The following GPC5 variants were observed in gnomAD, a reference collection of about 807,000 sequenced individuals.
GPC5 encodes the protein glypican 5.
In GPC5, 47 loss-of-function variants were observed where a neutral mutation model predicts 53.9. That is an observed-to-expected ratio of 0.87 (90% confidence interval 0.69 to 1.11). The LOEUF (loss-of-function observed/expected upper bound fraction) is 1.11. Ranked by LOEUF, GPC5 falls within the 50% of genes most tolerant of loss-of-function variation. The probability of loss-of-function intolerance (pLI) is 0.00; values close to 1 mark genes in which losing one functional copy is unlikely to be tolerated. For missense variants in GPC5, 748 were observed against 713.1 expected, an observed-to-expected ratio of 1.05 and a Z score of -0.56; for synonymous variants, 286 against 263.3, an observed-to-expected ratio of 1.09 and a Z score of -0.84.
intron 7 of GPC5, among the ~76,000 whole-genome samples, chr13:92,188,760 A>C (rs1011173071): frequency 8.5e-5 from 13 of 152,240 alleles, no homozygotes; most frequent in African/African-American, 2.9e-4. Flanking sequence ...TGGAGGAAAA[A>C]GAATTGCTTA....
intron 6 of GPC5, among the ~76,000 whole-genome samples, chr13:92,120,533 G>A (rs1425662437): frequency 2.0e-5 from 3 of 151,956 alleles, no homozygotes; most frequent in Admixed American, 1.3e-4. Context: ...TTACAGGTGC[G>A]AGCCACCAAG....
At chr13:92,643,630 A>C (rs902359533) in intron 7 of GPC5, among the ~76,000 whole-genome samples, 7 of 143,728 alleles carry the variant, frequency 4.9e-5, no homozygotes, top group Non-Finnish European at 9.2e-5. Context: ...CGCAAGAACA[A>C]AAAACCAAAC....
At chr13:92,118,041 CAG>C (rs758190129) in intron 6 of GPC5, among the ~76,000 whole-genome samples, 7 of 152,082 alleles carry the variant, frequency 4.6e-5, no homozygotes, top group African/African-American at 9.7e-5. Flanking sequence ...TGAAATTAAT[CAG>C]AGAGTCGCCA....
At chr13:92,558,992 T>G (rs1364931500) in intron 7 of GPC5, among the ~76,000 whole-genome samples, 1 of 151,894 alleles carries the variant, frequency 6.6e-6, no homozygotes, top group Non-Finnish European at 1.5e-5. Flanking sequence ...AAAACACTCT[T>G]GTAGTAACAG....
chr13:92,844,151 A>G (rs1356039996), intron 7 of GPC5, among the ~76,000 whole-genome samples: 2 of 151,946 alleles, frequency 1.3e-5, no homozygotes, highest in Non-Finnish European at 2.9e-5. Context: ...TCTTATTGTA[A>G]ACCTGTTATT....
chr13:92,864,336 C>A (rs1879276152), intron 7 of GPC5, among the ~76,000 whole-genome samples: 1 of 152,152 alleles, frequency 6.6e-6, no homozygotes, highest in Non-Finnish European at 1.5e-5. Context: ...GCTCTCCTGC[C>A]ATTGTCTGGC....
At chr13:92,690,684 C>T (rs887015057) in intron 7 of GPC5, among the ~76,000 whole-genome samples, 1 of 139,400 alleles carries the variant, frequency 7.2e-6, no homozygotes, top group Non-Finnish European at 1.5e-5. Flanking sequence ...TGTTTTTTCC[C>T]CATCTTTGTG....
chr13:91,657,584 T>G (rs11616549), intron 2 of GPC5, among the ~76,000 whole-genome samples: 31,695 of 151,738 alleles, frequency 0.21, 5,218 homozygotes, highest in African/African-American at 0.45. Flanking sequence ...AAAACATGGA[T>G]ATTGAGAGAC....
chr13:91,475,631 C>T (rs1882882758), intron 2 of GPC5, among the ~76,000 whole-genome samples: 3 of 152,106 alleles, frequency 2.0e-5, no homozygotes, highest in Non-Finnish European at 4.4e-5. Flanking sequence ...TGCTCCAGGG[C>T]CTGGCTGGTG....
At chr13:92,218,341 T>C (rs1384141284) in intron 7 of GPC5, among the ~76,000 whole-genome samples, 1 of 152,194 alleles carries the variant, frequency 6.6e-6, no homozygotes, top group Non-Finnish European at 1.5e-5. Flanking sequence ...AAGATTAGTT[T>C]CCCTTTTGCT....
At chr13:92,865,593 A>G (rs1879311797) in intron 7 of GPC5, among the ~76,000 whole-genome samples, 1 of 152,144 alleles carries the variant, frequency 6.6e-6, no homozygotes, top group Admixed American at 6.6e-5. Context: ...CAGCATGGTA[A>G]CTATCATTCA....
intron 7 of GPC5, among the ~76,000 whole-genome samples, chr13:92,629,208 C>G (rs561317857): frequency 1.3e-5 from 2 of 152,176 alleles, no homozygotes; most frequent in African/African-American, 4.8e-5. Context: ...GAAATGGTAA[C>G]TCAAATCCTT....
intron 2 of GPC5, among the ~76,000 whole-genome samples, chr13:91,460,379 C>A (rs1045754846): frequency 1.3e-5 from 2 of 151,822 alleles, no homozygotes; most frequent in Non-Finnish European, 2.9e-5. Context: ...CTCACTGCAA[C>A]CTCCACTTCC....
At chr13:91,792,507 C>T (rs781450508) in intron 5 of GPC5, among the ~76,000 whole-genome samples, 1 of 152,200 alleles carries the variant, frequency 6.6e-6, no homozygotes, top group Non-Finnish European at 1.5e-5. Flanking sequence ...ACCACTCTGA[C>T]TTTCACCCTT....
At chr13:92,184,042 T>C (rs2042165719) in intron 7 of GPC5, among the ~76,000 whole-genome samples, 1 of 152,112 alleles carries the variant, frequency 6.6e-6, no homozygotes, top group African/African-American at 2.4e-5. Context: ...TAGATTACCA[T>C]ATAATTATCT....
chr13:92,720,251 A>G (rs983590410), intron 7 of GPC5, among the ~76,000 whole-genome samples: 1 of 152,196 alleles, frequency 6.6e-6, no homozygotes, highest in Non-Finnish European at 1.5e-5. Flanking sequence ...ATGCCATTGA[A>G]GGGCTGCCCT....
chr13:92,100,426 A>T (rs1245571581), intron 6 of GPC5, among the ~76,000 whole-genome samples: 2 of 152,194 alleles, frequency 1.3e-5, no homozygotes, highest in Non-Finnish European at 2.9e-5. Flanking sequence ...AGTTAAATTT[A>T]GATGAAATAA....
At chr13:92,423,822 A>T (rs1047468967) in intron 7 of GPC5, among the ~76,000 whole-genome samples, 1 of 152,170 alleles carries the variant, frequency 6.6e-6, no homozygotes, top group Admixed American at 6.6e-5. Flanking sequence ...AGGATCTATC[A>T]CTGGCTGCTA....
intron 7 of GPC5, among the ~76,000 whole-genome samples, chr13:92,198,318 G>T (rs2042271483): frequency 6.6e-6 from 1 of 152,146 alleles, no homozygotes; most frequent in Admixed American, 6.5e-5. Flanking sequence ...CTAGGATGGA[G>T]CCTGTTACTA....
Sources: gnomAD v4.1 joint callset for allele counts (sites outside exome capture counted in the v4.1 genomes callset) on GRCh38, gnomAD v4.1.1 for gene constraint, MANE v1.5 for transcripts, NCBI Gene and HGNC (gene_info 2026-07-23, HGNC 2026-07-21) for gene names.